CSF2RA: variants seen among roughly 807,000 people sequenced by gnomAD.
CSF2RA encodes the protein colony stimulating factor 2 receptor subunit alpha, also known as granulocyte-macrophage colony-stimulating factor receptor subunit alpha.
CSF2RA carries 42 observed loss-of-function variants against 51.6 expected under a neutral mutation model. The ratio of observed to expected loss-of-function variants is 0.81; its 90% CI spans 0.64 to 1.05. The LOEUF is 1.05. Ranked by LOEUF, CSF2RA falls within the 50% of genes least tolerant of loss-of-function variation. The pLI, the probability that CSF2RA is intolerant of heterozygous loss-of-function variation, is 0.00. For synonymous variants in CSF2RA, 222 were observed against 193.0 expected, an observed-to-expected ratio of 1.15 and a Z score of -1.24; for missense variants, 530 against 501.1, an observed-to-expected ratio of 1.06 and a Z score of -0.55.
chrX:1,271,959 CTT>C (rs1187844662), intron 1 of CSF2RA, among the ~76,000 whole-genome samples: 2 of 141,222 alleles, frequency 1.4e-5, no homozygotes, highest in Non-Finnish European at 1.6e-5. Flanking sequence ...CTTTTTTTTT[CTT>C]TTTTTTTTTT....
chrX:1,300,229 TA>T (rs1174345731), intron 9 of CSF2RA: 29 of 392,812 alleles, frequency 7.4e-5, no homozygotes, highest in African/African-American at 5.8e-4. Flanking sequence ...AAAAAATAAA[TA>T]AATAAAATAA....
chrX:1,268,988 G>C (rs1479788425), intron 1 of CSF2RA, 109 bp downstream of exon 1: 11 of 414,380 alleles, frequency 2.7e-5, no homozygotes, highest in African/African-American at 2.3e-4. Flanking sequence ...TGGAACATAA[G>C]ATTTCAAACG....
At chrX:1,280,904 G>GCTCCTTCTCCTCCTCCTCCTC (rs2089867433) in intron 2 of CSF2RA, among the ~76,000 whole-genome samples, 2 of 26,980 alleles carry the variant, frequency 7.4e-5, no homozygotes, top group Non-Finnish European at 1.3e-4. Context: ...TCCTCCTCCT[G>GCTCCTTCTCCTCCTCCTCCTC]CTCCTTCTCC....
At chrX:1,290,222 G>C (rs1239661367) in intron 6 of CSF2RA, 115 bp from the exon 7 acceptor site, 1 of 802,782 alleles carries the variant, frequency 1.2e-6, no homozygotes, top group African/African-American at 2.0e-5. Flanking sequence ...TTTGTTTTGT[G>C]TTTTTGTGTT....
intron 3 of CSF2RA, 125 bp from the exon 4 acceptor site, chrX:1,285,653 G>T: frequency 8.7e-7 from 1 of 1,155,478 alleles, no homozygotes; most frequent in Non-Finnish European, 1.2e-6. Context: ...AGTGACCTGA[G>T]ATCACAGCAC....
At chrX:1,271,101 G>T (rs1365548117) in intron 1 of CSF2RA, among the ~76,000 whole-genome samples, 1 of 151,868 alleles carries the variant, frequency 6.6e-6, no homozygotes, top group Non-Finnish European at 1.5e-5. Context: ...CCAGATTGGG[G>T]TACTAAGAGT....
the CSF2RA span, among the ~76,000 whole-genome samples, chrX:1,325,136 G>A: frequency 3.0e-4 from 45 of 151,084 alleles, 3 homozygotes; most frequent in Admixed American, 2.1e-3. Flanking sequence ...CGAGACGGGC[G>A]GATCAAGAGG....
the CSF2RA span, among the ~76,000 whole-genome samples, chrX:1,320,038 G>A: frequency 7.2e-6 from 1 of 138,022 alleles, no homozygotes; most frequent in Non-Finnish European, 1.7e-5. Context: ...TGGGACTACA[G>A]GTGCCCGCCA....
chrX:1,314,910 ACTTCACCTGCCCAACCG>A, downstream of CSF2RA, among the ~76,000 whole-genome samples: 1 of 82,382 alleles, frequency 1.2e-5, no homozygotes, highest in African/African-American at 5.0e-5. Flanking sequence ...GCTCAACCCC[ACTTCACCTGCCCAACCG>A]CACTGCACTT....
At chrX:1,291,774 G>A (rs1243426328) in intron 7 of CSF2RA, among the ~76,000 whole-genome samples, 2 of 150,530 alleles carry the variant, frequency 1.3e-5, no homozygotes, top group African/African-American at 2.4e-5. Context: ...CCTGGACCCA[G>A]TGTAGACAAA....
At chrX:1,300,898 A>C (rs755738322) in intron 10 of CSF2RA, among the ~76,000 whole-genome samples, 1 of 152,252 alleles carries the variant, frequency 6.6e-6, no homozygotes, top group East Asian at 1.9e-4. Flanking sequence ...TCACGCCTGT[A>C]ATCCCAGCAA....
At chrX:1,281,198 TCTCCTA>T (rs1436155039) in intron 2 of CSF2RA, among the ~76,000 whole-genome samples, 1 of 72,020 alleles carries the variant, frequency 1.4e-5, no homozygotes, top group African/African-American at 4.4e-5. Context: ...TTCTCCTCCT[TCTCCTA>T]CTCCTCCTTC....
intron 3 of CSF2RA, 79 bp downstream of exon 3, chrX:1,282,858 T>G: frequency 8.5e-7 from 1 of 1,182,002 alleles, no homozygotes; most frequent in Non-Finnish European, 1.3e-6. Flanking sequence ...TCTGGATACC[T>G]GGGTCCATCT....
chrX:1,277,166 A>G (rs1468338699), intron 2 of CSF2RA, among the ~76,000 whole-genome samples: 2 of 152,064 alleles, frequency 1.3e-5, no homozygotes, highest in Non-Finnish European at 2.9e-5. Flanking sequence ...AATGACAGAA[A>G]GCTTAGAAGT....
chrX:1,279,887 T>C lies in CSF2RA; in HGVS notation c.-26-2791T>C, dbSNP rs373096914. ...TCACTGCAGCCTCCACCTCCTGGGT[T>C]CAAGCGATTCTCCTGCCTCAACCTC... On this transcript the variant is annotated intron_variant, in intron 2 of 12. Coordinates refer to ENST00000381529, the MANE Select transcript of CSF2RA (RefSeq NM_172245.4). Among the ~76,000 whole-genome samples the C allele has an allele frequency of 2.0e-4, 31 of 151,764 alleles. 1 individual carries two copies. In the East Asian group the frequency reaches 3.9e-3, roughly 19 times the overall value.
At chrX:1,290,007 GTGTTTTGTTTTGTGTTTTTGTGTTT>G (rs1569502725) in intron 6 of CSF2RA, among the ~76,000 whole-genome samples, 6 of 89,426 alleles carry the variant, frequency 6.7e-5, no homozygotes, top group African/African-American at 1.3e-4. Flanking sequence ...TTTGTGTTTT[GTGTTTTGTTTTGTGTTTTTGTGTTT>G]TGTTTTGTTT....
At chrX:1,314,893 T>G (rs1184017196), downstream of CSF2RA, among the ~76,000 whole-genome samples, 2 of 68,768 alleles carry the variant, frequency 2.9e-5, no homozygotes, top group African/African-American at 1.0e-4. Flanking sequence ...CCAACCACAC[T>G]GAACCTGCTC....
rs774500472 is a variant in CSF2RA at position 1,288,580 on chromosome X, T to C, written c.281T>C (p.Phe94Ser). ...REICLHEGVTFEVHVNTSQRG... is the reference protein window; with the variant it reads ...REICLHEGVTSEVHVNTSQRG... ...ATTTGTCTGCATGAAGGAGTCACATTTGAGGTTCACGTGAATACTAGTCAA... is the reference window on the plus strand; with the variant it reads ...ATTTGTCTGCATGAAGGAGTCACATCTGAGGTTCACGTGAATACTAGTCAA... Residue 94 changes from phenylalanine (F) to serine (S), a missense_variant, in exon 5 of 13, where the codon TTT becomes TCT. By Grantham distance (155) the Phe-to-Ser change is radical. Coordinates refer to ENST00000381529, the MANE Select transcript of CSF2RA (RefSeq NM_172245.4). 11 of 1,613,812 alleles carry C rather than the reference T, an allele frequency of 6.8e-6. No homozygotes were observed. In the African/African-American group the frequency reaches 1.3e-4, roughly 20 times the overall value.
intron 10 of CSF2RA, among the ~76,000 whole-genome samples, chrX:1,300,933 C>A (rs753587311): frequency 4.0e-5 from 6 of 151,848 alleles, no homozygotes; most frequent in Middle Eastern, 3.4e-3. Flanking sequence ...GCCGGCGGAT[C>A]ACCGGAGGTC....
Sources: gnomAD v4.1 joint callset for allele counts (sites outside exome capture counted in the v4.1 genomes callset) on GRCh38, gnomAD v4.1.1 for gene constraint, MANE v1.5 for transcripts, NCBI Gene and HGNC (gene_info 2026-07-23, HGNC 2026-07-21) for gene names.